UACA: variants seen among roughly 807,000 people sequenced by gnomAD.
The protein encoded by UACA is uveal autoantigen with coiled-coil domains and ankyrin repeats.
Under a neutral mutation model 160.5 loss-of-function variants are expected in UACA, and 112 were observed. The ratio of observed to expected loss-of-function variants is 0.70; its 90% confidence interval spans 0.60 to 0.82. The LOEUF (loss-of-function observed/expected upper bound fraction) is 0.82, where lower values mean the gene tolerates loss of function less well. UACA is among the 40% of genes least tolerant of loss of function. The pLI is 0.00. For synonymous variants in UACA, 557 were observed against 568.4 expected, an observed-to-expected ratio of 0.98 and a Z score of 0.29; for missense variants, 1,574 against 1,614.6, an observed-to-expected ratio of 0.97 and a Z score of 0.43.
At position 70,659,404 on chromosome 15, in the gene UACA, T is replaced by G. The variant is rs1390116211; in HGVS notation, c.4179+747A>C. On this transcript the variant is annotated intron_variant, in intron 18 of 18. Coordinates refer to ENST00000322954, the MANE Select transcript of UACA (RefSeq NM_018003.4). ...TCTTCATTTTTTGTTTGTTTTTTTT[T>G]TTTTTTTTTTTTTTTTTTGCTTGTT... 1.6e-3 allele frequency among the ~76,000 whole-genome samples: 189 copies of G among 121,762 alleles called. 3 individuals carry two copies. The highest frequency in any genetic ancestry group is 6.0e-3 in the African/African-American group (186 of 30,880). 79.9% of individuals were successfully genotyped at this position (121,762 alleles called of 152,430 possible). A position where few individuals can be genotyped will look rare whatever the true frequency, so the allele number is the denominator to read the frequency against.
intron 1 of UACA, among the ~76,000 whole-genome samples, chr15:70,754,800 A>C (rs142683162): frequency 1.9e-3 from 284 of 152,366 alleles, no homozygotes; most frequent in Non-Finnish European, 1.8e-3. Context: ...TTTTGGGGCT[A>C]CATTTTTAAG....
chr15:70,658,168 A>G (rs1172718032), intron 18 of UACA, among the ~76,000 whole-genome samples: 1 of 152,174 alleles, frequency 6.6e-6, no homozygotes, highest in Non-Finnish European at 1.5e-5. Flanking sequence ...TATAACACAT[A>G]CTATTTTGTA....
intron 1 of UACA, among the ~76,000 whole-genome samples, chr15:70,713,029 G>C (rs557787707): frequency 6.6e-6 from 1 of 152,152 alleles, no homozygotes; most frequent in East Asian, 1.9e-4. Flanking sequence ...AGCAACCAAG[G>C]AAAACAAACT....
chr15:70,660,369 G>T, intron 17 of UACA, 153 bp from the exon 18 acceptor site: 1 of 558,270 alleles, frequency 1.8e-6, no homozygotes. Context: ...ACCAGATGCA[G>T]AATTTCAAAA....
Position 70,699,587 on chromosome 15 carries a change from G to A in UACA, c.152C>T (p.Thr51Ile), listed in dbSNP as rs950429441. 3.5e-5 allele frequency: 57 copies of A among 1,609,236 alleles called. No individual in the cohort carries two copies. The highest frequency in any genetic ancestry group is 4.4e-5 in the Non-Finnish European group (52 of 1,178,974). The change falls in exon 2 of 19, where the codon ACC becomes ATC. Residue 51 changes from threonine (T) to isoleucine (I), a missense_variant. Physicochemically the swap from Thr to Ile is moderately conservative, Grantham distance 89 (BLOSUM62 -1). Transcript: ENST00000322954. ...GACCCCCTTTTTAGCAAGGATTGAG[G>A]TCACTTTTTCTACATCCCCCCTTTC... The part of the protein sequence containing the change: ...AAERGDVEKV[T>I]SILAKKGVNP...
intron 7 of UACA, among the ~76,000 whole-genome samples, 196 bp from the exon 8 acceptor site, chr15:70,684,642 C>T (rs987948062): frequency 1.3e-5 from 2 of 151,752 alleles, no homozygotes; most frequent in Non-Finnish European, 2.9e-5. Context: ...TGAACCAATA[C>T]TGTTTATCAG....
Position 70,668,144 on chromosome 15 carries a change from T to C in UACA, c.2540A>G (p.Glu847Gly). The part of the protein sequence containing the change: ...DQEKIHALTS[E>G]NTNLKKMMSN... ...CATCATCTTCTTCAAGTTAGTGTTTTCAGATGTGAGAGCGTGTATTTTCTC... is the reference window on the plus strand; with the variant it reads ...CATCATCTTCTTCAAGTTAGTGTTTCCAGATGTGAGAGCGTGTATTTTCTC... Residue 847 changes from glutamate to glycine, a missense_variant, in exon 16 of 19, where the codon GAA (glutamate) becomes GGA (glycine). By Grantham distance (98) the Glu-to-Gly change is moderately conservative. Coordinates refer to ENST00000322954, the MANE Select transcript of UACA (RefSeq NM_018003.4). The C allele has an allele frequency of 6.2e-7, 1 of 1,613,608 alleles. No homozygotes were observed. Among genetic ancestry groups the C allele is most frequent in the Non-Finnish European group, 8.5e-7 (1 of 1,179,910 alleles).
chr15:70,677,986 T>G (rs1218203671), intron 11 of UACA, 113 bp downstream of exon 11: 1 of 727,158 alleles, frequency 1.4e-6, no homozygotes, highest in Non-Finnish European at 2.2e-6. Context: ...CCCAGTAAGA[T>G]TTAACTCCTC....
At chr15:70,659,111 C>T (rs1212107346) in intron 18 of UACA, among the ~76,000 whole-genome samples, 1 of 152,028 alleles carries the variant, frequency 6.6e-6, no homozygotes, top group Non-Finnish European at 1.5e-5. Flanking sequence ...TATTCACTGT[C>T]CCTCAATAAT....
intron 1 of UACA, among the ~76,000 whole-genome samples, chr15:70,740,635 C>T (rs1319231594): frequency 4.0e-5 from 1 of 24,706 alleles, no homozygotes. Flanking sequence ...AAGACCCTGT[C>T]TCAAAAAAAA....
Position 70,703,219 on chromosome 15 carries a change from A to AT in UACA, c.79-3560dup, listed in dbSNP as rs1204263469. ...TTTTAACCATGTTCTCATTACCACA[A>AT]TAGCATGAGAATAATTTACACTTCC... On this transcript the variant is annotated intron_variant, in intron 1 of 18. Coordinates refer to ENST00000322954, the MANE Select transcript of UACA (RefSeq NM_018003.4). The AT allele has an allele frequency of 2.3e-6, 3 of 1,288,846 alleles. No individual in the cohort carries two copies. In the East Asian group the frequency reaches 1.7e-4, roughly 71 times the overall value. 79.8% of individuals were successfully genotyped at this position (1,288,846 alleles called of 1,614,324 possible).
chr15:70,671,017 T>TAAA (rs372164200), intron 15 of UACA, 22 bp downstream of exon 15: 9 of 1,197,414 alleles, frequency 7.5e-6, no homozygotes, highest in South Asian at 1.7e-5. Flanking sequence ...TTTTTAAAAT[T>TAAA]AAAAAAAAAA....
At chr15:70,677,820 A>G (rs1897343654) in intron 11 of UACA, among the ~76,000 whole-genome samples, 1 of 152,130 alleles carries the variant, frequency 6.6e-6, no homozygotes, top group South Asian at 2.1e-4. Context: ...ACTTCCTTCA[A>G]AATTCAACAG....
At chr15:70,719,742 A>T (rs1435791569) in intron 1 of UACA, among the ~76,000 whole-genome samples, 1 of 152,134 alleles carries the variant, frequency 6.6e-6, no homozygotes, top group Admixed American at 6.5e-5. Flanking sequence ...AGTAGACAAG[A>T]ATGATATATT....
chr15:70,724,098 C>G (rs567975370), intron 1 of UACA, among the ~76,000 whole-genome samples: 1 of 152,172 alleles, frequency 6.6e-6, no homozygotes, highest in Admixed American at 6.5e-5. Context: ...TTTCTGTCTA[C>G]AAATTTCTCA....
chr15:70,675,171 A>T (rs932017175), intron 13 of UACA, among the ~76,000 whole-genome samples: 1 of 152,208 alleles, frequency 6.6e-6, no homozygotes, highest in Non-Finnish European at 1.5e-5. Flanking sequence ...CTGTGAAGTC[A>T]GGTAACAATA....
chr15:70,753,110 C>G (rs1425573695), intron 1 of UACA, among the ~76,000 whole-genome samples: 4 of 152,020 alleles, frequency 2.6e-5, no homozygotes, highest in African/African-American at 9.7e-5. Flanking sequence ...GACGGCTGGC[C>G]AAGTAGCAAA....
At chr15:70,700,466 C>A (rs2140968312) in intron 1 of UACA, among the ~76,000 whole-genome samples, 1 of 151,720 alleles carries the variant, frequency 6.6e-6, no homozygotes, top group South Asian at 2.1e-4. Flanking sequence ...ATTAAGATTA[C>A]AAGTTACTTT....
At chr15:70,690,165 T>G (rs748078843) in intron 5 of UACA, among the ~76,000 whole-genome samples, 2 of 151,648 alleles carry the variant, frequency 1.3e-5, no homozygotes, top group Non-Finnish European at 2.9e-5. Context: ...CCTCTCTCTC[T>G]CTCTCTCACA....
Sources: allele counts gnomAD v4.1 joint callset (sites outside exome capture counted in the v4.1 genomes callset), GRCh38; gene constraint gnomAD v4.1.1; transcripts MANE v1.5; gene names NCBI Gene and HGNC (gene_info 2026-07-23, HGNC 2026-07-21).